The following GALNTL6 variants were observed in gnomAD, a reference collection of about 807,000 sequenced individuals.
GALNTL6 encodes the protein polypeptide N-acetylgalactosaminyltransferase like 6, also known as polypeptide N-acetylgalactosaminyltransferase-like 6.
In GALNTL6, 46 loss-of-function variants were observed where a neutral mutation model predicts 73.7. The ratio of observed to expected loss-of-function variants is 0.62; its 90% CI spans 0.49 to 0.80. The LOEUF (loss-of-function observed/expected upper bound fraction) is 0.80. Ranked by LOEUF, GALNTL6 falls within the 30% of genes least tolerant of loss-of-function variation. The probability of loss-of-function intolerance (pLI) is 0.00; values close to 1 mark genes in which losing one functional copy is unlikely to be tolerated. For synonymous variants in GALNTL6, 259 were observed against 263.7 expected (o/e 0.98, Z 0.17); for missense variants, 604 against 755.0 (o/e 0.80, Z 2.34).
At chr4:172,508,275 C>T (rs1734406431) in intron 5 of GALNTL6, among the ~76,000 whole-genome samples, 1 of 55,112 alleles carries the variant, frequency 1.8e-5, no homozygotes, top group African/African-American at 4.5e-5. Context: ...TTACTCCTAG[C>T]TACAAGCATG....
At chr4:172,101,697 G>T (rs1304896868) in intron 2 of GALNTL6, among the ~76,000 whole-genome samples, 1 of 151,678 alleles carries the variant, frequency 6.6e-6, no homozygotes, top group East Asian at 1.9e-4. Flanking sequence ...AATATTTTGA[G>T]ATTTTAATTT....
chr4:172,653,177 C>T (rs147223155), intron 5 of GALNTL6, among the ~76,000 whole-genome samples: 172 of 151,178 alleles, frequency 1.1e-3, no homozygotes, highest in African/African-American at 3.6e-3. Context: ...TTTTGTCCTT[C>T]GTTGGCTAAA....
At chr4:172,849,858 A>C (rs1030776015) in intron 7 of GALNTL6, among the ~76,000 whole-genome samples, 2 of 152,136 alleles carry the variant, frequency 1.3e-5, no homozygotes, top group Non-Finnish European at 2.9e-5. Context: ...ACAGCATGAG[A>C]GTATGTGTGA....
intron 5 of GALNTL6, among the ~76,000 whole-genome samples, chr4:172,755,794 G>A (rs928257371): frequency 3.9e-5 from 6 of 151,994 alleles, no homozygotes; most frequent in African/African-American, 1.2e-4. Context: ...ATTCTTACAA[G>A]GCATCTTTTA....
chr4:172,470,510 G>C (rs1406717452), intron 5 of GALNTL6, among the ~76,000 whole-genome samples: 1 of 151,994 alleles, frequency 6.6e-6, no homozygotes, highest in African/African-American at 2.4e-5. Context: ...ATAATAAAAA[G>C]GACTTCCAAA....
chr4:172,951,898 A>G (rs561621175), intron 9 of GALNTL6, 139 bp from the exon 10 acceptor site: 5 of 627,490 alleles, frequency 8.0e-6, no homozygotes, highest in Non-Finnish European at 1.1e-5. Context: ...TAAAACTCTC[A>G]TTGTTCATAA....
At chr4:172,168,784 G>C (rs957730692) in intron 2 of GALNTL6, among the ~76,000 whole-genome samples, 1 of 152,184 alleles carries the variant, frequency 6.6e-6, no homozygotes, top group Non-Finnish European at 1.5e-5. Flanking sequence ...AAAACATAAA[G>C]AGACATATCA....
At chr4:171,968,903 C>T (rs1453790275) in intron 2 of GALNTL6, among the ~76,000 whole-genome samples, 2 of 149,896 alleles carry the variant, frequency 1.3e-5, no homozygotes, top group Non-Finnish European at 3.0e-5. Context: ...ATAGTGTGAT[C>T]TCGGCTCACT....
At chr4:172,748,455 C>T (rs9992901) in intron 5 of GALNTL6, among the ~76,000 whole-genome samples, 54,883 of 151,900 alleles carry the variant, frequency 0.36, 10,992 homozygotes, top group African/African-American at 0.53. Context: ...GACAGTGGCC[C>T]CAGTCAAGAA....
chr4:171,932,841 A>G (rs1334993982), intron 2 of GALNTL6, among the ~76,000 whole-genome samples: 1 of 152,214 alleles, frequency 6.6e-6, no homozygotes, highest in Non-Finnish European at 1.5e-5. Flanking sequence ...ATTGCATCTG[A>G]TAATACAATT....
At chr4:172,276,019 G>A (rs1738819767) in intron 3 of GALNTL6, among the ~76,000 whole-genome samples, 1 of 152,136 alleles carries the variant, frequency 6.6e-6, no homozygotes, top group South Asian at 2.1e-4. Context: ...GATGTTAATT[G>A]CTTAATGCAA....
chr4:172,097,284 C>T (rs1262701852), intron 2 of GALNTL6, among the ~76,000 whole-genome samples: 1 of 152,128 alleles, frequency 6.6e-6, no homozygotes, highest in African/African-American at 2.4e-5. Context: ...GACAAATATC[C>T]ACGAAGTGCT....
intron 2 of GALNTL6, chr4:171,815,047 G>C (rs749940902): frequency 1.6e-4 from 69 of 427,534 alleles, no homozygotes; most frequent in Non-Finnish European, 2.4e-4. Context: ...AGTGGGTTTG[G>C]TGCAAGTTTA....
At chr4:172,904,498 C>T (rs775265892) in intron 8 of GALNTL6, among the ~76,000 whole-genome samples, 2 of 152,168 alleles carry the variant, frequency 1.3e-5, no homozygotes, top group African/African-American at 4.8e-5. Flanking sequence ...CTTGTCCTCA[C>T]CTAGGTGCCC....
intron 4 of GALNTL6, among the ~76,000 whole-genome samples, chr4:172,343,045 CA>C (rs1316670892): frequency 1.3e-5 from 2 of 151,346 alleles, no homozygotes; most frequent in Non-Finnish European, 2.9e-5. Flanking sequence ...GTAAAGGAAG[CA>C]AAAAAGGGAA....
chr4:172,194,313 T>C (rs1480668331), intron 2 of GALNTL6, among the ~76,000 whole-genome samples: 1 of 152,130 alleles, frequency 6.6e-6, no homozygotes, highest in African/African-American at 2.4e-5. Context: ...ATAAAAAGAC[T>C]GAACCAACAA....
chr4:172,887,234 T>C (rs1426703864), intron 8 of GALNTL6, among the ~76,000 whole-genome samples: 3 of 152,190 alleles, frequency 2.0e-5, no homozygotes, highest in Admixed American at 6.5e-5. Flanking sequence ...CAGTCCACCA[T>C]TGATGGGCAC....
chr4:171,951,202 TAAC>T (rs1488442716), intron 2 of GALNTL6, among the ~76,000 whole-genome samples: 3 of 151,890 alleles, frequency 2.0e-5, no homozygotes, highest in Non-Finnish European at 4.4e-5. Flanking sequence ...GCTAAAAAAA[TAAC>T]AGAAGAAAGA....
chr4:172,177,880 G>C lies in GALNTL6; in HGVS notation c.139-51776G>C, dbSNP rs117624375. Among the ~76,000 whole-genome samples the C allele has an allele frequency of 8.8e-4, 49 of 55,564 alleles. No homozygotes were observed. In the East Asian group the frequency reaches 0.012, roughly 13 times the overall value. The allele number at this position is 55,564 out of a possible 152,430, so 36.5% of individuals were successfully genotyped here. A position where few individuals can be genotyped will look rare whatever the true frequency, so the allele number is the denominator to read the frequency against. On this transcript the variant is annotated intron_variant, in intron 2 of 12. Transcript: ENST00000506823. The stretch of plus-strand genomic sequence containing the variant: ...ACACACATACTAAGGCATGCTAATC[G>C]TGAAGAAATGTTACTTCTATGATAT...
Sources: gnomAD v4.1 joint callset for allele counts (sites outside exome capture counted in the v4.1 genomes callset) on GRCh38, gnomAD v4.1.1 for gene constraint, MANE v1.5 for transcripts, NCBI Gene and HGNC (gene_info 2026-07-23, HGNC 2026-07-21) for gene names.